The following PPM1H variants were observed in gnomAD, a reference collection of about 807,000 sequenced individuals.
The protein encoded by PPM1H is protein phosphatase, Mg2+/Mn2+ dependent 1H.
PPM1H carries 27 observed loss-of-function variants against 54.9 expected under a neutral mutation model. The ratio of observed to expected loss-of-function variants is 0.49; its 90% CI spans 0.36 to 0.68. The LOEUF (loss-of-function observed/expected upper bound fraction) is 0.68, where lower values mean the gene tolerates loss of function less well. PPM1H is among the 30% of genes least tolerant of loss of function. The probability of loss-of-function intolerance (pLI) is 0.00; values close to 1 mark genes in which losing one functional copy is unlikely to be tolerated. For synonymous variants in PPM1H, 305 were observed against 270.8 expected (o/e 1.13, Z -1.24); for missense variants, 596 against 667.8 (o/e 0.89, Z 1.19).
At chr12:62,691,183 G>A (rs563417552) in intron 7 of PPM1H, among the ~76,000 whole-genome samples, 2 of 152,306 alleles carry the variant, frequency 1.3e-5, no homozygotes, top group South Asian at 4.1e-4. Flanking sequence ...CATCAAGACA[G>A]GCGACACAGA....
intron 2 of PPM1H, among the ~76,000 whole-genome samples, chr12:62,815,333 C>A (rs937556608): frequency 4.6e-5 from 7 of 152,168 alleles, no homozygotes; most frequent in Non-Finnish European, 1.0e-4. Context: ...ATTCCTCCAA[C>A]ATAATGAGGC....
At position 62,733,965 on chromosome 12, in the gene PPM1H, G is replaced by A. The variant is rs192225232; in HGVS notation, c.954+3537C>T. ...GTGGGATCTTTGCTACCGACTGAATGTATCTCCCCAAAACTCACATGTTGA... is the reference window on the plus strand; with the variant it reads ...GTGGGATCTTTGCTACCGACTGAATATATCTCCCCAAAACTCACATGTTGA... On this transcript the variant is annotated intron_variant, in intron 5 of 9. Coordinates refer to ENST00000228705, the MANE Select transcript of PPM1H (RefSeq NM_020700.2). Among the ~76,000 whole-genome samples the A allele has an allele frequency of 2.0e-4, 31 of 152,184 alleles. No individual in the cohort carries two copies. In the East Asian group the frequency reaches 5.6e-3, roughly 27 times the overall value.
At chr12:62,911,056 A>G (rs1318239744) in intron 1 of PPM1H, among the ~76,000 whole-genome samples, 3 of 152,192 alleles carry the variant, frequency 2.0e-5, no homozygotes, top group Non-Finnish European at 4.4e-5. Context: ...AAATCTCACC[A>G]CCACTACCTA....
At chr12:62,664,435 C>A (rs182223508) in intron 9 of PPM1H, among the ~76,000 whole-genome samples, 4 of 152,144 alleles carry the variant, frequency 2.6e-5, no homozygotes, top group African/African-American at 9.6e-5. Context: ...CTCTCCTTTA[C>A]TAGTTTAGAA....
At chr12:62,763,687 T>C (rs1274902317) in intron 4 of PPM1H, among the ~76,000 whole-genome samples, 6 of 152,250 alleles carry the variant, frequency 3.9e-5, no homozygotes, top group African/African-American at 1.4e-4. Flanking sequence ...AGGTGCATAA[T>C]GCAGAGATGT....
chr12:62,850,015 C>T (rs2120928379), intron 1 of PPM1H, among the ~76,000 whole-genome samples: 1 of 152,172 alleles, frequency 6.6e-6, no homozygotes, highest in South Asian at 2.1e-4. Flanking sequence ...GGCTGGAGTG[C>T]AGTGGTGTGT....
intron 4 of PPM1H, among the ~76,000 whole-genome samples, chr12:62,748,857 T>C (rs1207542427): frequency 6.6e-6 from 1 of 152,160 alleles, no homozygotes; most frequent in Non-Finnish European, 1.5e-5. Context: ...TTAATTGTCT[T>C]TAACTCTGGG....
chr12:62,846,954 C>T (rs1198310810), intron 1 of PPM1H, among the ~76,000 whole-genome samples: 1 of 152,088 alleles, frequency 6.6e-6, no homozygotes, highest in Non-Finnish European at 1.5e-5. Flanking sequence ...ATGTAAAGTG[C>T]ATATACCTGT....
At chr12:62,765,536 C>G (rs974161294) in intron 4 of PPM1H, among the ~76,000 whole-genome samples, 1 of 152,180 alleles carries the variant, frequency 6.6e-6, no homozygotes, top group East Asian at 1.9e-4. Flanking sequence ...AACACCTAAG[C>G]AGAGTTGAGC....
chr12:62,788,724 A>G (rs1256409544), intron 3 of PPM1H, among the ~76,000 whole-genome samples: 1 of 152,082 alleles, frequency 6.6e-6, no homozygotes, highest in African/African-American at 2.4e-5. Flanking sequence ...GGACCTGATC[A>G]ATGTTTTGTT....
intron 4 of PPM1H, among the ~76,000 whole-genome samples, chr12:62,783,924 C>T (rs2076656398): frequency 6.6e-6 from 1 of 152,132 alleles, no homozygotes; most frequent in Non-Finnish European, 1.5e-5. Context: ...AATGGAGTTC[C>T]TAAACTGAAG....
At chr12:62,721,240 G>A (rs760523812) in intron 5 of PPM1H, among the ~76,000 whole-genome samples, 7 of 152,162 alleles carry the variant, frequency 4.6e-5, no homozygotes, top group African/African-American at 1.4e-4. Flanking sequence ...ACCCAATGCC[G>A]GCGGATCTCT....
intron 1 of PPM1H, among the ~76,000 whole-genome samples, chr12:62,908,639 T>C (rs1336702908): frequency 1.3e-5 from 2 of 152,002 alleles, no homozygotes; most frequent in Admixed American, 6.6e-5. Context: ...GTTTGTATCA[T>C]AGTAGGGGCT....
At chr12:62,872,281 A>G (rs897658247) in intron 1 of PPM1H, among the ~76,000 whole-genome samples, 8 of 152,222 alleles carry the variant, frequency 5.3e-5, no homozygotes, top group African/African-American at 1.7e-4. Flanking sequence ...GAAAGTAAGA[A>G]GTGCCCATGG....
At chr12:62,904,730 C>T (rs558985346) in intron 1 of PPM1H, among the ~76,000 whole-genome samples, 21 of 152,262 alleles carry the variant, frequency 1.4e-4, no homozygotes, top group African/African-American at 4.6e-4. Flanking sequence ...TCAGAGGTCA[C>T]CAGGACCATC....
At chr12:62,803,610 G>A (rs1466169953) in intron 2 of PPM1H, among the ~76,000 whole-genome samples, 2 of 151,966 alleles carry the variant, frequency 1.3e-5, no homozygotes, top group Admixed American at 6.6e-5. Flanking sequence ...AAAAACATGG[G>A]GGAAAAAAAC....
intron 4 of PPM1H, among the ~76,000 whole-genome samples, chr12:62,739,007 C>T (rs1175837789): frequency 7.4e-6 from 1 of 134,750 alleles, no homozygotes; most frequent in African/African-American, 2.7e-5. Context: ...GGCGGAGGGG[C>T]GGGCAGCGCA....
At chr12:62,831,222 CACAAAAAT>C in intron 2 of PPM1H, among the ~76,000 whole-genome samples, 1 of 152,278 alleles carries the variant, frequency 6.6e-6, no homozygotes, top group Admixed American at 6.5e-5. Context: ...AAAATTTTTA[CACAAAAAT>C]ATCCTCAAGA....
intron 1 of PPM1H, among the ~76,000 whole-genome samples, chr12:62,907,705 G>C (rs551260078): frequency 6.6e-6 from 1 of 152,096 alleles, no homozygotes; most frequent in African/African-American, 2.4e-5. Flanking sequence ...GAATTTAAAC[G>C]TGTACCTGTA....
Sources: allele counts gnomAD v4.1 joint callset (sites outside exome capture counted in the v4.1 genomes callset), GRCh38; gene constraint gnomAD v4.1.1; transcripts MANE v1.5; gene names NCBI Gene and HGNC (gene_info 2026-07-23, HGNC 2026-07-21).